The following ANKRD44 variants were observed in gnomAD, a reference collection of about 807,000 sequenced individuals.
The protein encoded by ANKRD44 is serine/threonine-protein phosphatase 6 regulatory ankyrin repeat subunit B.
ANKRD44 carries 35 observed loss-of-function variants against 116.0 expected under a neutral mutation model. The ratio of observed to expected loss-of-function variants is 0.30; its 90% CI spans 0.23 to 0.40. ANKRD44 has a LOEUF of 0.40. Among genes scored for constraint, ANKRD44 ranks in the 10% least tolerant of loss-of-function variants. The pLI is 1.00. For missense variants in ANKRD44, 1,014 were observed against 1,242.6 expected (o/e 0.82, Z 2.77); for synonymous variants, 435 against 461.8 (o/e 0.94, Z 0.74).
chr2:197,128,456 T>A (rs1307058370), intron 4 of ANKRD44, among the ~76,000 whole-genome samples: 2 of 152,270 alleles, frequency 1.3e-5, no homozygotes, highest in Admixed American at 1.3e-4. Context: ...AACTGCCTGT[T>A]CATGTACTTT....
intron 1 of ANKRD44, among the ~76,000 whole-genome samples, chr2:197,265,821 G>A (rs2082727171): frequency 1.3e-5 from 2 of 151,952 alleles, no homozygotes; most frequent in Non-Finnish European, 2.9e-5. Flanking sequence ...GAGACAAAAA[G>A]GAACGTTTTT....
chr2:197,094,400 G>A lies in ANKRD44; in HGVS notation c.1101-4368C>T, dbSNP rs554940276. The stretch of plus-strand genomic sequence containing the variant: ...ATGTAGTGCTAAAATGGAGCATCAC[G>A]CACATGGAAATCCTTTACCATACAT... On this transcript the variant is annotated intron_variant, in intron 10 of 27. Coordinates refer to ENST00000282272, the MANE Select transcript of ANKRD44 (RefSeq NM_001195144.2). 1.4e-4 allele frequency among the ~76,000 whole-genome samples: 22 copies of A among 152,310 alleles called. No individual in the cohort carries two copies. In the South Asian group the frequency reaches 3.1e-3, roughly 22 times the overall value.
At chr2:197,169,626 G>GT (rs961959858) in intron 2 of ANKRD44, among the ~76,000 whole-genome samples, 14 of 152,148 alleles carry the variant, frequency 9.2e-5, no homozygotes, top group Non-Finnish European at 1.5e-5. Flanking sequence ...GGTTCTCAAA[G>GT]TGCAGTCCCC....
At chr2:197,164,216 T>C (rs923324094) in intron 2 of ANKRD44, among the ~76,000 whole-genome samples, 1 of 152,170 alleles carries the variant, frequency 6.6e-6, no homozygotes, top group African/African-American at 2.4e-5. Context: ...GTGGGGGCTT[T>C]CTACATTCCT....
intron 1 of ANKRD44, among the ~76,000 whole-genome samples, chr2:197,237,217 C>T (rs2081997867): frequency 6.6e-6 from 1 of 151,980 alleles, no homozygotes; most frequent in Admixed American, 6.6e-5. Flanking sequence ...GTACTAGTTA[C>T]TATAATTAAA....
At chr2:196,986,218 G>A (rs1235974042), downstream of ANKRD44, among the ~76,000 whole-genome samples, 3 of 151,802 alleles carry the variant, frequency 2.0e-5, no homozygotes, top group Non-Finnish European at 4.4e-5. Flanking sequence ...TCCTTTATGG[G>A]CCAGCCTGGG....
chr2:197,039,680 CGTGTGTGTGTGTGTGTGT>C (rs10535447), intron 16 of ANKRD44, among the ~76,000 whole-genome samples: 34 of 141,556 alleles, frequency 2.4e-4, no homozygotes, highest in African/African-American at 5.1e-4. Flanking sequence ...TGTGTGTGTG[CGTGTGTGTGTGTGTGTGT>C]GTGTGTGTGT....
chr2:197,293,492 A>G (rs2083628248), intron 1 of ANKRD44, among the ~76,000 whole-genome samples: 2 of 152,232 alleles, frequency 1.3e-5, no homozygotes, highest in Admixed American at 6.5e-5. Flanking sequence ...CATTAAACAT[A>G]TCTGCATTTA....
intron 16 of ANKRD44, among the ~76,000 whole-genome samples, chr2:197,042,322 T>C (rs2076924979): frequency 8.5e-5 from 13 of 152,150 alleles, no homozygotes. Context: ...TTTTAGACCA[T>C]ATCCCAGTCC....
chr2:197,173,990 G>A lies in ANKRD44; in HGVS notation c.111+13033C>T, dbSNP rs181779112. Among the ~76,000 whole-genome samples the A allele has an allele frequency of 1.1e-3, 163 of 152,216 alleles. 2 individuals are homozygous for A. Among genetic ancestry groups the A allele is most frequent in the African/African-American group, 3.8e-3 (156 of 41,520 alleles). On this transcript the variant is annotated intron_variant, in intron 2 of 27. Transcript: ENST00000282272. ...AGAGGTTGCAGTGAGCTGAGATTGCGCTACTGCACTCCAGCCTGGGTGACA... is the reference window on the plus strand; with the variant it reads ...AGAGGTTGCAGTGAGCTGAGATTGCACTACTGCACTCCAGCCTGGGTGACA...
chr2:197,307,194 T>C (rs1274273304), intron 1 of ANKRD44, among the ~76,000 whole-genome samples: 3 of 152,238 alleles, frequency 2.0e-5, no homozygotes. Context: ...AAATTTTCTT[T>C]CCCAAACTTA....
At chr2:197,111,638 C>A (rs76460559) in intron 8 of ANKRD44, among the ~76,000 whole-genome samples, 160 of 134,822 alleles carry the variant, frequency 1.2e-3, no homozygotes, top group Middle Eastern at 3.8e-3. Flanking sequence ...GACTCTGTCT[C>A]AAAAAAAAAA....
chr2:197,239,982 T>C (rs2082055775), intron 1 of ANKRD44, among the ~76,000 whole-genome samples: 1 of 152,328 alleles, frequency 6.6e-6, no homozygotes, highest in African/African-American at 2.4e-5. Context: ...TATTCCCTTA[T>C]AATATATGCA....
intron 1 of ANKRD44, among the ~76,000 whole-genome samples, chr2:197,261,814 TATCAAAC>T (rs1329027948): frequency 6.6e-6 from 1 of 152,152 alleles, no homozygotes; most frequent in Non-Finnish European, 1.5e-5. Context: ...ATTTGTCACA[TATCAAAC>T]AAGAGACAGG....
At chr2:196,999,706 G>T (rs2076079731) in intron 23 of ANKRD44, among the ~76,000 whole-genome samples, 1 of 151,918 alleles carries the variant, frequency 6.6e-6, no homozygotes, top group South Asian at 2.1e-4. Flanking sequence ...CCATTCTCCT[G>T]CCTCAGCCTC....
chr2:197,182,444 C>T (rs773527936), intron 2 of ANKRD44, among the ~76,000 whole-genome samples: 9 of 152,194 alleles, frequency 5.9e-5, no homozygotes, highest in Non-Finnish European at 1.3e-4. Context: ...CTCTATTCAA[C>T]AATTTATCCT....
At chr2:197,247,623 C>T (rs2082221796) in intron 1 of ANKRD44, among the ~76,000 whole-genome samples, 1 of 152,170 alleles carries the variant, frequency 6.6e-6, no homozygotes, top group African/African-American at 2.4e-5. Flanking sequence ...ACATAATTCC[C>T]ATAGCAATGG....
At chr2:197,009,236 C>T (rs2076253826) in intron 18 of ANKRD44, among the ~76,000 whole-genome samples, 1 of 152,140 alleles carries the variant, frequency 6.6e-6, no homozygotes, top group Admixed American at 6.5e-5. Flanking sequence ...GGATTACAGG[C>T]ATGCACCACC....
At chr2:197,084,811 C>G (rs2077883195) in intron 13 of ANKRD44, among the ~76,000 whole-genome samples, 1 of 151,982 alleles carries the variant, frequency 6.6e-6, no homozygotes, top group African/African-American at 2.4e-5. Flanking sequence ...TTTAATTAGA[C>G]TGAAAATTAT....
Sources: allele counts gnomAD v4.1 joint callset (sites outside exome capture counted in the v4.1 genomes callset), GRCh38; gene constraint gnomAD v4.1.1; transcripts MANE v1.5; gene names NCBI Gene and HGNC (gene_info 2026-07-23, HGNC 2026-07-21).